Variants in GPHN observed in about 807,000 individuals in gnomAD.
GPHN encodes the protein gephyrin.
A neutral mutation model predicts 95.5 loss-of-function variants in GPHN; 17 were observed. That is an observed-to-expected ratio of 0.18 (90% CI 0.12 to 0.27). The LOEUF is 0.27. Ranked by LOEUF, GPHN falls within the 10% of genes least tolerant of loss-of-function variation. GPHN has a pLI of 1.00. For missense variants in GPHN, 660 were observed against 978.1 expected (o/e 0.67, Z 4.34); for synonymous variants, 320 against 322.5 (o/e 0.99, Z 0.08).
At chr14:66,611,143 CAA>C (rs2062761632) in intron 1 of GPHN, among the ~76,000 whole-genome samples, 1 of 152,078 alleles carries the variant, frequency 6.6e-6, no homozygotes, top group South Asian at 2.1e-4. Context: ...AGAAATTTTT[CAA>C]ATAAGAAACT....
the GPHN span, among the ~76,000 whole-genome samples, chr14:67,341,577 C>T: frequency 1.1e-4 from 16 of 151,172 alleles, no homozygotes; most frequent in Non-Finnish European, 1.9e-4. Context: ...GGTCAGCCCC[C>T]GCCAGGCCAG....
intron 21 of GPHN, among the ~76,000 whole-genome samples, chr14:67,178,437 T>C (rs1204246057): frequency 6.6e-6 from 1 of 152,200 alleles, no homozygotes; most frequent in African/African-American, 2.4e-5. Flanking sequence ...TCCACTGTTA[T>C]TTTGATGGGC....
intron 8 of GPHN, among the ~76,000 whole-genome samples, chr14:66,945,180 GA>G (rs919330686): frequency 1.2e-4 from 18 of 150,700 alleles, no homozygotes; most frequent in African/African-American, 2.9e-4. Context: ...TTTATTGTGT[GA>G]AAAAAAAAGG....
chr14:67,035,110 G>A (rs2074358078), intron 10 of GPHN, among the ~76,000 whole-genome samples: 1 of 151,706 alleles, frequency 6.6e-6, no homozygotes, highest in South Asian at 2.1e-4. Flanking sequence ...AAAACTGGAA[G>A]ATACACAAAT....
the GPHN span, chr14:67,646,462 C>G: frequency 5.3e-6 from 3 of 571,184 alleles, no homozygotes; most frequent in Non-Finnish European, 6.3e-6. Flanking sequence ...CTCAGCTGCC[C>G]TTCTGAAACA....
intron 2 of GPHN, among the ~76,000 whole-genome samples, chr14:66,756,878 G>GGCA (rs1333184386): frequency 6.6e-6 from 1 of 152,120 alleles, no homozygotes; most frequent in Admixed American, 6.5e-5. Context: ...AAACAGAACA[G>GGCA]GCATACTTCT....
chr14:67,347,544 G>T, the GPHN span: 1 of 1,141,356 alleles, frequency 8.8e-7, no homozygotes, highest in Non-Finnish European at 1.3e-6. Context: ...TCTTGTCGCC[G>T]AGGCTGGAAT....
chr14:66,743,123 A>G (rs1245628466), intron 2 of GPHN, among the ~76,000 whole-genome samples: 1 of 152,064 alleles, frequency 6.6e-6, no homozygotes, highest in Non-Finnish European at 1.5e-5. Flanking sequence ...GCTCATTGGG[A>G]AAATACTCCA....
chr14:66,843,934 C>T (rs1215840404), intron 4 of GPHN, among the ~76,000 whole-genome samples: 1 of 151,838 alleles, frequency 6.6e-6, no homozygotes, highest in Non-Finnish European at 1.5e-5. Context: ...TTTCCATATA[C>T]TAAAATTATT....
the GPHN span, among the ~76,000 whole-genome samples, chr14:67,428,071 C>G: frequency 6.6e-6 from 1 of 152,088 alleles, no homozygotes; most frequent in South Asian, 2.1e-4. Context: ...AGGCACCCGC[C>G]ACCACACCCA....
At chr14:66,949,456 G>T (rs935410594) in intron 8 of GPHN, among the ~76,000 whole-genome samples, 5 of 152,084 alleles carry the variant, frequency 3.3e-5, no homozygotes, top group East Asian at 1.9e-4. Context: ...TCTCAAATAG[G>T]ATTTATAGAA....
At chr14:67,037,159 T>G (rs988359859) in intron 10 of GPHN, among the ~76,000 whole-genome samples, 4 of 152,004 alleles carry the variant, frequency 2.6e-5, no homozygotes, top group African/African-American at 9.7e-5. Flanking sequence ...TCTTTGAAGA[T>G]GGTGCCAAGA....
chr14:67,304,373 A>T, the GPHN span, among the ~76,000 whole-genome samples: 1 of 152,246 alleles, frequency 6.6e-6, no homozygotes, highest in Admixed American at 6.5e-5. Flanking sequence ...CATTCACAGT[A>T]GCTAGAAAGT....
At chr14:66,715,532 T>G (rs2153424572) in intron 2 of GPHN, among the ~76,000 whole-genome samples, 1 of 152,308 alleles carries the variant, frequency 6.6e-6, no homozygotes, top group Non-Finnish European at 1.5e-5. Context: ...TTAGGTTTGG[T>G]TTCTCTTTGT....
At chr14:66,529,099 C>A (rs1419829760) in intron 1 of GPHN, among the ~76,000 whole-genome samples, 3 of 152,156 alleles carry the variant, frequency 2.0e-5, no homozygotes, top group Non-Finnish European at 4.4e-5. Flanking sequence ...TTCATGTACA[C>A]CAATCAAACG....
At chr14:67,213,950 G>A in the GPHN span, among the ~76,000 whole-genome samples, 1 of 152,172 alleles carries the variant, frequency 6.6e-6, no homozygotes, top group Admixed American at 6.5e-5. Flanking sequence ...TTTTTTGGCT[G>A]CATAAATGGC....
rs774806176 is a variant in GPHN at position 66,965,338 on chromosome 14, C to T, written c.963+13C>T. On this transcript the variant is annotated intron_variant, in intron 9 of 22. Transcript: ENST00000478722. ...CCCAACACCAAAAGTAAGTATGGTT[C>T]CTTCGCATCTTACACCTGCTCTTCT... 6.2e-7 allele frequency: 1 copy of T among 1,610,804 alleles called. No homozygotes were observed. Among genetic ancestry groups the T allele is most frequent in the Admixed American group, 1.7e-5 (1 of 59,996 alleles).
chr14:67,160,189 G>A lies in GPHN; in HGVS notation c.1910+701G>A, dbSNP rs191109845. ...TTCTGCCCCCACCCTTTTTGTTGTT[G>A]TTGTGCCATTGACTTGCTAGAGAAA... On this transcript the variant is annotated intron_variant, in intron 19 of 22. Transcript: ENST00000478722. Among the ~76,000 whole-genome samples the A allele has an allele frequency of 6.5e-4, 99 of 152,174 alleles. 1 individual carries two copies. Among genetic ancestry groups the A allele is most frequent in the African/African-American group, 2.2e-3 (93 of 41,544 alleles).
intron 1 of GPHN, among the ~76,000 whole-genome samples, chr14:66,556,965 A>C (rs924122042): frequency 2.6e-5 from 4 of 152,250 alleles, no homozygotes; most frequent in Middle Eastern, 3.4e-3. Context: ...TTTGGGAGCC[A>C]AGACAGGAGG....
Sources: allele counts gnomAD v4.1 joint callset (sites outside exome capture counted in the v4.1 genomes callset), GRCh38; gene constraint gnomAD v4.1.1; transcripts MANE v1.5; gene names NCBI Gene and HGNC (gene_info 2026-07-23, HGNC 2026-07-21).